Variants in FRK observed in about 807,000 individuals in gnomAD.
FRK encodes tyrosine-protein kinase FRK.
A neutral mutation model predicts 56.4 loss-of-function variants in FRK; 51 were observed. That is an observed-to-expected ratio of 0.90 (90% confidence interval 0.72 to 1.14). FRK has a LOEUF of 1.14. Ranked by LOEUF, FRK falls within the 50% of genes most tolerant of loss-of-function variation. FRK has a pLI of 0.00. For synonymous variants in FRK, 245 were observed against 217.9 expected, an observed-to-expected ratio of 1.12 and a Z score of -1.10; for missense variants, 570 against 601.4, an observed-to-expected ratio of 0.95 and a Z score of 0.55.
At chr6:116,061,399 A>AACACACACACACACAC (rs3049929), upstream of FRK, among the ~76,000 whole-genome samples, 98 of 146,680 alleles carry the variant, frequency 6.7e-4, 1 homozygote, top group African/African-American at 2.3e-3. Flanking sequence ...CTATTTGGGA[A>AACACACACACACACAC]ACACACACAC....
At position 115,937,545 on chromosome 6, in the gene FRK, C is replaced by G. The variant is rs1772073638; in HGVS notation, c.*4869G>C. 1 of 152,062 alleles carries G rather than the reference C, an allele frequency of 6.6e-6. No individual in the cohort carries two copies. Among genetic ancestry groups the G allele is most frequent in the Non-Finnish European group, 1.5e-5 (1 of 68,022 alleles). 9.4% of individuals were successfully genotyped at this position (152,062 alleles called of 1,614,324 possible). ...CAGAATGGCAAATTGGATAAAGACT[C>G]AAGACCCATCAGTGTGCTGTATTCA... On this transcript the variant is annotated 3_prime_UTR_variant, in exon 8 of 8. Transcript: ENST00000606080.
At chr6:116,059,623 T>C (rs1361273115) in intron 1 of FRK, among the ~76,000 whole-genome samples, 3 of 152,192 alleles carry the variant, frequency 2.0e-5, no homozygotes, top group Non-Finnish European at 4.4e-5. Context: ...GTCTTATAAT[T>C]TACCTTCAAA....
chr6:116,007,674 G>C (rs987228447), intron 1 of FRK, among the ~76,000 whole-genome samples: 34 of 152,070 alleles, frequency 2.2e-4, no homozygotes, highest in African/African-American at 7.0e-4. Flanking sequence ...CATATAATTG[G>C]TTTCTACCTT....
chr6:116,061,874 C>T (rs898362877), upstream of FRK, among the ~76,000 whole-genome samples: 3 of 151,484 alleles, frequency 2.0e-5, no homozygotes, highest in Admixed American at 2.0e-4. Flanking sequence ...AAGCTCATAA[C>T]TTCTGTTCTT....
chr6:116,041,582 G>C (rs766738885), intron 1 of FRK, among the ~76,000 whole-genome samples: 6 of 152,120 alleles, frequency 3.9e-5, no homozygotes, highest in Non-Finnish European at 8.8e-5. Context: ...TTAGACAGTT[G>C]GTGCAGCCCA....
chr6:116,091,384 G>A, the FRK span, among the ~76,000 whole-genome samples: 5 of 152,142 alleles, frequency 3.3e-5, no homozygotes, highest in Non-Finnish European at 5.9e-5. Flanking sequence ...GCCTGCTTGG[G>A]TCCCCTTCCA....
Position 115,984,509 on chromosome 6 carries a change from T to C in FRK, c.467-15770A>G, listed in dbSNP as rs73770687. Among the ~76,000 whole-genome samples the C allele has an allele frequency of 9.8e-4, 149 of 152,216 alleles. 1 individual carries two copies. The highest frequency in any genetic ancestry group is 3.3e-3 in the African/African-American group (138 of 41,544). ...ACTGAAATCCAAATAGTTTGATGTC[T>C]GTGCTCTGCAACCTATTGGCTCAAT... is the stretch of plus-strand genomic sequence containing the variant. On this transcript the variant is annotated intron_variant, in intron 2 of 7. Coordinates refer to ENST00000606080, the MANE Select transcript of FRK (RefSeq NM_002031.3).
At chr6:115,980,553 G>C (rs1437235755) in intron 2 of FRK, among the ~76,000 whole-genome samples, 1 of 152,094 alleles carries the variant, frequency 6.6e-6, no homozygotes, top group Non-Finnish European at 1.5e-5. Flanking sequence ...TAGATTGGCA[G>C]ATTTGTGGAT....
In FRK at chr6:116,003,860, C is replaced by A; in HGVS notation, c.466+17G>T. ...ACTCTCAAGCTCATATTGAATGACA[C>A]AAAACAATACCCTTACCTGAAAGAG... On this transcript the variant is annotated intron_variant, in intron 2 of 7. Transcript: ENST00000606080. 1.2e-6 allele frequency: 2 copies of A among 1,612,692 alleles called. No individual in the cohort carries two copies. The highest frequency in any genetic ancestry group is 1.7e-6 in the Non-Finnish European group (2 of 1,179,604).
intron 1 of FRK, among the ~76,000 whole-genome samples, chr6:116,036,583 A>T (rs1379547213): frequency 1.3e-5 from 2 of 152,142 alleles, no homozygotes; most frequent in Non-Finnish European, 2.9e-5. Flanking sequence ...ATGGTAAAAC[A>T]AAATCCTTTA....
chr6:115,969,877 C>T (rs1050591967), intron 2 of FRK, among the ~76,000 whole-genome samples: 1 of 152,200 alleles, frequency 6.6e-6, no homozygotes, highest in Non-Finnish European at 1.5e-5. Context: ...TTTGGTTAAA[C>T]TATTTTGAAT....
At chr6:116,011,509 G>A (rs1359765233) in intron 1 of FRK, among the ~76,000 whole-genome samples, 1 of 151,882 alleles carries the variant, frequency 6.6e-6, no homozygotes, top group Admixed American at 6.6e-5. Flanking sequence ...ATGCAGAAAG[G>A]AAACTGGGTC....
At chr6:115,968,531 A>T in intron 3 of FRK, 45 bp downstream of exon 3, 1 of 1,580,776 alleles carries the variant, frequency 6.3e-7, no homozygotes, top group Non-Finnish European at 8.6e-7. Context: ...TCTGAAGGAA[A>T]AAAGTTAACT....
intron 1 of FRK, among the ~76,000 whole-genome samples, chr6:116,028,232 A>T (rs1013386516): frequency 7.9e-5 from 12 of 152,104 alleles, no homozygotes; most frequent in African/African-American, 2.9e-4. Flanking sequence ...AGGAAATCAC[A>T]ATTTATTTTT....
chr6:116,069,699 C>T, the FRK span, among the ~76,000 whole-genome samples: 1 of 152,154 alleles, frequency 6.6e-6, no homozygotes, highest in Non-Finnish European at 1.5e-5. Context: ...TGTCATTCTG[C>T]ACTAGAGCAG....
chr6:115,982,293 A>G (rs945504893), intron 2 of FRK, among the ~76,000 whole-genome samples: 1 of 152,120 alleles, frequency 6.6e-6, no homozygotes, highest in Admixed American at 6.6e-5. Context: ...AGGCCTTCAG[A>G]GGCCTCTGAC....
chr6:116,035,848 T>G (rs972578755), intron 1 of FRK, among the ~76,000 whole-genome samples: 1 of 152,110 alleles, frequency 6.6e-6, no homozygotes, highest in Non-Finnish European at 1.5e-5. Flanking sequence ...TTCTATGGTT[T>G]CTATTTACAG....
chr6:115,994,578 T>C (rs959905332), intron 2 of FRK, among the ~76,000 whole-genome samples: 1 of 152,078 alleles, frequency 6.6e-6, no homozygotes, highest in Non-Finnish European at 1.5e-5. Context: ...GCATGGCCAC[T>C]GACAATAAGA....
intron 2 of FRK, among the ~76,000 whole-genome samples, chr6:115,995,787 GTTAAT>G (rs1325626180): frequency 6.6e-6 from 1 of 152,048 alleles, no homozygotes; most frequent in Non-Finnish European, 1.5e-5. Flanking sequence ...ATAATAAAAT[GTTAAT>G]TTAACTTTAT....
Sources: gnomAD v4.1 joint callset for allele counts (sites outside exome capture counted in the v4.1 genomes callset) on GRCh38, gnomAD v4.1.1 for gene constraint, MANE v1.5 for transcripts, NCBI Gene and HGNC (gene_info 2026-07-23, HGNC 2026-07-21) for gene names.